Variants in TLN2 observed in about 807,000 individuals in gnomAD.
TLN2 encodes talin 2.
TLN2 carries 118 observed loss-of-function variants against 294.7 expected under a neutral mutation model. The ratio of observed to expected loss-of-function variants is 0.40; its 90% CI spans 0.34 to 0.47. The LOEUF (loss-of-function observed/expected upper bound fraction) is 0.47, where lower values mean the gene tolerates loss of function less well. Among genes scored for constraint, TLN2 ranks in the 20% least tolerant of loss-of-function variants. The pLI is 0.84. For synonymous variants in TLN2, 1,431 were observed against 1,304.5 expected, an observed-to-expected ratio of 1.10 and a Z score of -2.09; for missense variants, 3,083 against 3,282.2, an observed-to-expected ratio of 0.94 and a Z score of 1.48.
chr15:62,606,273 G>A (rs548135541), intron 2 of TLN2, among the ~76,000 whole-genome samples: 2 of 111,180 alleles, frequency 1.8e-5, no homozygotes, highest in African/African-American at 7.4e-5. Flanking sequence ...TGTATTTTTA[G>A]TAGAGACAGG....
At chr15:62,525,138 C>T (rs1196516401) in intron 1 of TLN2, among the ~76,000 whole-genome samples, 5 of 152,312 alleles carry the variant, frequency 3.3e-5, no homozygotes, top group African/African-American at 9.6e-5. Flanking sequence ...GATTCCTTCC[C>T]TGAGCTGTGT....
Position 62,571,181 on chromosome 15 carries a change from C to T in TLN2, c.-237-18506C>T, listed in dbSNP as rs187108554. On this transcript the variant is annotated intron_variant, in intron 1 of 58. Transcript: ENST00000636159. ...GTAGATGCCAGTTGCACTGAGGGTG[C>T]TCGGGAGATGAGCCTGACACTTGGC... is the stretch of plus-strand genomic sequence containing the variant. 4.6e-5 allele frequency among the ~76,000 whole-genome samples: 7 copies of T among 152,308 alleles called. No individual in the cohort carries two copies. In the East Asian group the frequency reaches 1.4e-3, roughly 29 times the overall value.
At chr15:62,545,096 AT>A (rs57917415) in intron 1 of TLN2, among the ~76,000 whole-genome samples, 16,703 of 141,548 alleles carry the variant, frequency 0.12, 944 homozygotes, top group Middle Eastern at 0.16. Flanking sequence ...CACCCAGCTG[AT>A]TTTTTTTTTT....
intron 7 of TLN2, among the ~76,000 whole-genome samples, chr15:62,654,624 G>A (rs1252728551): frequency 2.6e-5 from 4 of 151,566 alleles, no homozygotes; most frequent in African/African-American, 7.3e-5. Context: ...GTGTGGTGGC[G>A]CATGCCTGTA....
chr15:62,407,179 A>AT (rs1566947659), intron 1 of TLN2, among the ~76,000 whole-genome samples: 3 of 152,136 alleles, frequency 2.0e-5, no homozygotes, highest in Middle Eastern at 3.4e-3. Flanking sequence ...GATTTTGTTG[A>AT]TTTTACCTTT....
At chr15:62,675,693 C>G (rs185681485) in intron 11 of TLN2, among the ~76,000 whole-genome samples, 3 of 152,190 alleles carry the variant, frequency 2.0e-5, no homozygotes, top group African/African-American at 7.2e-5. Context: ...CAGACCAAAT[C>G]GAATTCATGT....
At chr15:62,796,452 C>A (rs1210720535) in intron 47 of TLN2, among the ~76,000 whole-genome samples, 159 bp downstream of exon 47, 1 of 152,160 alleles carries the variant, frequency 6.6e-6, no homozygotes, top group Non-Finnish European at 1.5e-5. Context: ...TCAGAATAAG[C>A]CCCCTTTGCC....
At chr15:62,448,241 A>G (rs1311366604) in intron 1 of TLN2, among the ~76,000 whole-genome samples, 2 of 152,206 alleles carry the variant, frequency 1.3e-5, no homozygotes, top group Non-Finnish European at 2.9e-5. Context: ...AGTCCACAGC[A>G]CTGAGGAGTG....
At chr15:62,391,393 C>T (rs1438175169) in intron 1 of TLN2, among the ~76,000 whole-genome samples, 1 of 152,234 alleles carries the variant, frequency 6.6e-6, no homozygotes, top group Non-Finnish European at 1.5e-5. Flanking sequence ...CGGCTGGCCT[C>T]ACACAGACTC....
chr15:62,511,378 C>A (rs2039925887), intron 1 of TLN2, among the ~76,000 whole-genome samples: 1 of 152,192 alleles, frequency 6.6e-6, no homozygotes, highest in Admixed American at 6.5e-5. Flanking sequence ...CCAAATTGCC[C>A]ACTGTAGTCT....
intron 52 of TLN2, among the ~76,000 whole-genome samples, chr15:62,811,619 G>A (rs1553106): frequency 0.74 from 111,912 of 152,084 alleles, 41,616 homozygotes; most frequent in Non-Finnish European, 0.79. Flanking sequence ...GTTATCTGGG[G>A]TGCAGTTTCC....
intron 1 of TLN2, among the ~76,000 whole-genome samples, chr15:62,449,964 G>T (rs894833515): frequency 5.3e-5 from 8 of 152,138 alleles, no homozygotes; most frequent in African/African-American, 1.9e-4. Flanking sequence ...TGTCCTGGTT[G>T]TAAAAGAATT....
intron 1 of TLN2, among the ~76,000 whole-genome samples, chr15:62,573,530 G>C (rs2044105035): frequency 6.6e-6 from 1 of 152,108 alleles, no homozygotes; most frequent in African/African-American, 2.4e-5. Context: ...TTTTCATAGA[G>C]AACCCTCCTT....
rs535425544 is a variant in TLN2 at position 62,621,491 on chromosome 15, C to T, written c.-37+3016C>T. On this transcript the variant is annotated intron_variant, in intron 3 of 58. Coordinates refer to ENST00000636159, the MANE Select transcript of TLN2 (RefSeq NM_015059.3). The stretch of plus-strand genomic sequence containing the variant: ...AGTATCTTGGTGGCATTGATTCAGG[C>T]CCTCCAACTTTGTGCCCCCAGCCCT... Among the ~76,000 whole-genome samples, 13 of 152,234 alleles carry T rather than the reference C, an allele frequency of 8.5e-5. No homozygotes were observed. The South Asian group carries it at 2.7e-3, about 32-fold the overall frequency.
Position 62,796,227 on chromosome 15 carries a change from C to T in TLN2, c.5984C>T (p.Thr1995Ile). Residue 1995 changes from threonine to isoleucine, a missense_variant, in exon 47 of 59, where the codon ACC (threonine) becomes ATC (isoleucine). By Grantham distance (89) the Thr-to-Ile change is moderately conservative. Coordinates refer to ENST00000636159, the MANE Select transcript of TLN2 (RefSeq NM_015059.3). Reference sequence around the variant, plus strand: ...TCTGGGATCATTGCCGACCTGGACACCACCATTATGTTTGCAACAGCGGGG... The same window carrying T: ...TCTGGGATCATTGCCGACCTGGACATCACCATTATGTTTGCAACAGCGGGG... ...AVSGIIADLDTTIMFATAGTL... is the reference protein window; with the variant it reads ...AVSGIIADLDITIMFATAGTL... 4 of 1,614,242 alleles carry T rather than the reference C, an allele frequency of 2.5e-6. No individual in the cohort carries two copies. Among genetic ancestry groups the T allele is most frequent in the Non-Finnish European group, 3.4e-6 (4 of 1,180,042 alleles).
At chr15:62,662,833 T>TTTC in intron 9 of TLN2, among the ~76,000 whole-genome samples, 1 of 145,404 alleles carries the variant, frequency 6.9e-6, no homozygotes. Flanking sequence ...TTTTTTTTTT[T>TTTC]TTTTTTTGGA....
intron 1 of TLN2, among the ~76,000 whole-genome samples, chr15:62,436,624 A>T (rs2035297933): frequency 6.6e-6 from 1 of 152,194 alleles, no homozygotes; most frequent in East Asian, 1.9e-4. Flanking sequence ...CAGGCCTATG[A>T]GAGGAGGTCT....
At chr15:62,456,091 T>G (rs1210233698) in intron 1 of TLN2, among the ~76,000 whole-genome samples, 1 of 150,426 alleles carries the variant, frequency 6.6e-6, no homozygotes, top group Non-Finnish European at 1.5e-5. Context: ...AGAACCTTAC[T>G]GGATCAAGCC....
intron 51 of TLN2, among the ~76,000 whole-genome samples, chr15:62,808,528 A>G (rs1276710391): frequency 1.3e-5 from 2 of 152,198 alleles, no homozygotes; most frequent in Non-Finnish European, 2.9e-5. Context: ...AATTAGTGCC[A>G]CATTGTTCTC....
Sources: allele counts gnomAD v4.1 joint callset (sites outside exome capture counted in the v4.1 genomes callset), GRCh38; gene constraint gnomAD v4.1.1; transcripts MANE v1.5; gene names NCBI Gene and HGNC (gene_info 2026-07-23, HGNC 2026-07-21).